The following AK4 variants were observed in gnomAD, a reference collection of about 807,000 sequenced individuals.
AK4 encodes adenylate kinase 4.
AK4 carries 13 observed loss-of-function variants against 24.6 expected under a neutral mutation model. That is an observed-to-expected ratio of 0.53 (90% CI 0.34 to 0.84). The LOEUF (loss-of-function observed/expected upper bound fraction) is 0.84. AK4 is among the 40% of genes least tolerant of loss of function. The pLI is 0.01. For synonymous variants in AK4, 88 were observed against 107.0 expected (o/e 0.82, Z 1.10); for missense variants, 192 against 288.2 (o/e 0.67, Z 2.42).
Position 65,229,311 on chromosome 1 carries a change from G to A in AK4, c.*3134G>A, listed in dbSNP as rs539405659. ...TGCTTTGGGAAGCCATGATGGGAAG[G>A]TTGTCGGAGGCCAAAAGTTCAAGAC... On this transcript the variant is annotated 3_prime_UTR_variant, in exon 5 of 5. Coordinates refer to ENST00000327299, the MANE Select transcript of AK4 (RefSeq NM_013410.4). 1.3e-5 allele frequency: 2 copies of A among 152,296 alleles called. No homozygotes were observed. Among genetic ancestry groups the A allele is most frequent in the South Asian group, 2.1e-4 (1 of 4,816 alleles). 9.4% of individuals were successfully genotyped at this position (152,296 alleles called of 1,614,324 possible).
chr1:65,197,713 A>T (rs1651526879), intron 2 of AK4, among the ~76,000 whole-genome samples: 1 of 152,198 alleles, frequency 6.6e-6, no homozygotes, highest in Non-Finnish European at 1.5e-5. Flanking sequence ...CAGAAACTAA[A>T]CTATAGATGC....
intron 1 of AK4, among the ~76,000 whole-genome samples, chr1:65,177,994 G>A (rs1340018012): frequency 7.5e-6 from 1 of 133,706 alleles, no homozygotes; most frequent in Non-Finnish European, 1.8e-5. Flanking sequence ...AGGGTTTTCT[G>A]AGTCTTAATT....
At chr1:65,186,807 C>T (rs1247218011) in intron 1 of AK4, among the ~76,000 whole-genome samples, 3 of 152,054 alleles carry the variant, frequency 2.0e-5, no homozygotes, top group Non-Finnish European at 1.5e-5. Flanking sequence ...ACATAGATAC[C>T]ACACAGGTAT....
chr1:65,170,366 TCACA>T (rs543805884), intron 1 of AK4, among the ~76,000 whole-genome samples: 3 of 151,320 alleles, frequency 2.0e-5, no homozygotes, highest in South Asian at 4.2e-4. Flanking sequence ...AGACTCCGTC[TCACA>T]CACACACACA....
At chr1:65,193,192 G>A (rs2101044739) in intron 2 of AK4, among the ~76,000 whole-genome samples, 1 of 152,286 alleles carries the variant, frequency 6.6e-6, no homozygotes, top group Middle Eastern at 3.4e-3. Context: ...AAATCTAGGT[G>A]GAGGAAGCCA....
chr1:65,219,886 T>G (rs1479804730), intron 3 of AK4, among the ~76,000 whole-genome samples: 52 of 152,210 alleles, frequency 3.4e-4, no homozygotes, highest in Non-Finnish European at 4.6e-4. Context: ...TTTCCTGTGC[T>G]CTACCTATTA....
intron 1 of AK4, among the ~76,000 whole-genome samples, chr1:65,161,303 GGTAT>G (rs1650150767): frequency 6.6e-6 from 1 of 152,120 alleles, no homozygotes; most frequent in Non-Finnish European, 1.5e-5. Flanking sequence ...CCCAGCATTA[GGTAT>G]GGGGAGGCGT....
chr1:65,195,466 C>T (rs1651437651), intron 2 of AK4, among the ~76,000 whole-genome samples: 1 of 152,204 alleles, frequency 6.6e-6, no homozygotes, highest in Non-Finnish European at 1.5e-5. Context: ...GTCTTCTCAT[C>T]TTGCAAAATG....
intron 4 of AK4, among the ~76,000 whole-genome samples, chr1:65,225,742 A>C (rs1652434869): frequency 6.6e-6 from 1 of 152,178 alleles, no homozygotes; most frequent in South Asian, 2.1e-4. Flanking sequence ...AGGTTTTAGT[A>C]AAGCTTTTCA....
At chr1:65,152,362 A>T (rs60054523) in intron 1 of AK4, among the ~76,000 whole-genome samples, 1 of 30,790 alleles carries the variant, frequency 3.2e-5, no homozygotes, top group Non-Finnish European at 6.4e-5. Flanking sequence ...CTCTCTCTCT[A>T]TATATATATA....
intron 1 of AK4, among the ~76,000 whole-genome samples, chr1:65,184,012 C>G (rs184161410): frequency 6.6e-6 from 1 of 151,992 alleles, no homozygotes; most frequent in African/African-American, 2.4e-5. Flanking sequence ...TTTGTGTTAT[C>G]GTATAATTTT....
intron 1 of AK4, among the ~76,000 whole-genome samples, chr1:65,171,387 C>A (rs1650519303): frequency 7.2e-6 from 1 of 139,100 alleles, no homozygotes; most frequent in African/African-American, 2.7e-5. Flanking sequence ...CTCCGCACTG[C>A]AACCTCCACC....
chr1:65,197,263 C>G (rs189767514), intron 2 of AK4, among the ~76,000 whole-genome samples: 57 of 152,224 alleles, frequency 3.7e-4, no homozygotes, highest in African/African-American at 1.3e-3. Context: ...AAATAGTAAT[C>G]TAGAAGTTCC....
chr1:65,212,687 C>A (rs1422003776), intron 2 of AK4, among the ~76,000 whole-genome samples: 1 of 152,082 alleles, frequency 6.6e-6, no homozygotes. Context: ...TGAGGTCTCA[C>A]TATGTTGCCC....
At chr1:65,176,852 C>T (rs1046338404) in intron 1 of AK4, among the ~76,000 whole-genome samples, 3 of 152,140 alleles carry the variant, frequency 2.0e-5, no homozygotes, top group Non-Finnish European at 2.9e-5. Flanking sequence ...GTCATATTTG[C>T]CATTGCCTCA....
chr1:65,217,705 T>C (rs1570141368), intron 2 of AK4, among the ~76,000 whole-genome samples: 1 of 152,294 alleles, frequency 6.6e-6, no homozygotes, highest in East Asian at 1.9e-4. Flanking sequence ...CACCCAGAGC[T>C]TATACTTAAA....
intron 1 of AK4, among the ~76,000 whole-genome samples, chr1:65,180,518 T>A (rs933455205): frequency 6.6e-6 from 1 of 152,112 alleles, no homozygotes; most frequent in Non-Finnish European, 1.5e-5. Flanking sequence ...AATTTAAGAG[T>A]TTCTTCCATG....
intron 1 of AK4, among the ~76,000 whole-genome samples, chr1:65,176,535 G>T (rs1268955143): frequency 6.6e-6 from 1 of 152,032 alleles, no homozygotes; most frequent in Non-Finnish European, 1.5e-5. Context: ...CGTGAATGCC[G>T]GGAGACTCTC....
intron 1 of AK4, among the ~76,000 whole-genome samples, chr1:65,167,960 T>C (rs1335213157): frequency 6.6e-6 from 1 of 152,184 alleles, no homozygotes; most frequent in Non-Finnish European, 1.5e-5. Context: ...GCAGCACTTC[T>C]CTGACTTAAG....
Sources: gnomAD v4.1 joint callset for allele counts (sites outside exome capture counted in the v4.1 genomes callset) on GRCh38, gnomAD v4.1.1 for gene constraint, MANE v1.5 for transcripts, NCBI Gene and HGNC (gene_info 2026-07-23, HGNC 2026-07-21) for gene names.